ZMAT4: variants seen among roughly 807,000 people sequenced by gnomAD.
ZMAT4 encodes the protein zinc finger matrin-type 4, also known as zinc finger matrin-type protein 4.
Under a neutral mutation model 28.7 loss-of-function variants are expected in ZMAT4, and 17 were observed. The observed-to-expected ratio is 0.59, with a 90% confidence interval of 0.41 to 0.89. The LOEUF (loss-of-function observed/expected upper bound fraction) is 0.89. Among genes scored for constraint, ZMAT4 ranks in the 40% least tolerant of loss-of-function variants. The probability of loss-of-function intolerance (pLI) is 0.00; values close to 1 mark genes in which losing one functional copy is unlikely to be tolerated. For missense variants in ZMAT4, 240 were observed against 283.8 expected (o/e 0.85, Z 1.11); for synonymous variants, 117 against 109.2 (o/e 1.07, Z -0.44).
chr8:40,825,473 A>G, intron 2 of ZMAT4, 102 bp downstream of exon 2: 1 of 971,100 alleles, frequency 1.0e-6, no homozygotes. Flanking sequence ...GTGGTTCTTC[A>G]AATGTGCCCC....
intron 5 of ZMAT4, among the ~76,000 whole-genome samples, chr8:40,673,779 C>T (rs1808786069): frequency 6.6e-6 from 1 of 152,224 alleles, no homozygotes; most frequent in African/African-American, 2.4e-5. Flanking sequence ...AGAAGTAATC[C>T]TCACGCTATG....
chr8:40,561,883 CACCCTTGGTA>C (rs1803754249), intron 6 of ZMAT4, among the ~76,000 whole-genome samples: 1 of 152,086 alleles, frequency 6.6e-6, no homozygotes, highest in African/African-American at 2.4e-5. Context: ...AAAGATTGGA[CACCCTTGGTA>C]AGGTCTAATC....
chr8:40,560,118 T>C (rs1026034045), intron 6 of ZMAT4, among the ~76,000 whole-genome samples: 2 of 151,986 alleles, frequency 1.3e-5, no homozygotes, highest in Non-Finnish European at 2.9e-5. Context: ...CCTGTGCCTC[T>C]AATACACTTC....
intron 4 of ZMAT4, among the ~76,000 whole-genome samples, chr8:40,685,633 T>A (rs2150483221): frequency 6.6e-6 from 1 of 152,090 alleles, no homozygotes; most frequent in South Asian, 2.1e-4. Flanking sequence ...AGTGTATCAT[T>A]AATAGCCAGT....
chr8:40,739,567 G>C (rs1423418799), intron 3 of ZMAT4, among the ~76,000 whole-genome samples: 1 of 152,162 alleles, frequency 6.6e-6, no homozygotes, highest in Non-Finnish European at 1.5e-5. Context: ...AGGAAGAAAA[G>C]AGCTGACATA....
chr8:40,552,752 G>T (rs971907993), intron 6 of ZMAT4, among the ~76,000 whole-genome samples: 1 of 152,104 alleles, frequency 6.6e-6, no homozygotes, highest in African/African-American at 2.4e-5. Flanking sequence ...AAGGCCACAC[G>T]GGGCCTCTTT....
At position 40,810,199 on chromosome 8, in the gene ZMAT4, G is replaced by T. The variant is rs16889965; in HGVS notation, c.102+15376C>A. On this transcript the variant is annotated intron_variant, in intron 2 of 6. Transcript: ENST00000297737. ...CTTTAAATTAATTCTTAAACTTGAAGAAATTCCAATCAAGATTTCCAATGG... is the reference window on the plus strand; with the variant it reads ...CTTTAAATTAATTCTTAAACTTGAATAAATTCCAATCAAGATTTCCAATGG... 0.02 allele frequency among the ~76,000 whole-genome samples: 2,980 copies of T among 152,150 alleles called. 157 individuals carry two copies. In the East Asian group the frequency reaches 0.21, roughly 11 times the overall value.
At chr8:40,733,934 T>C (rs1471126488) in intron 3 of ZMAT4, among the ~76,000 whole-genome samples, 1 of 152,152 alleles carries the variant, frequency 6.6e-6, no homozygotes, top group East Asian at 1.9e-4. Flanking sequence ...ATTAGCTACA[T>C]CCAGAAGTGA....
At chr8:40,564,860 C>T (rs756193449) in intron 6 of ZMAT4, among the ~76,000 whole-genome samples, 5 of 152,140 alleles carry the variant, frequency 3.3e-5, no homozygotes, top group African/African-American at 4.8e-5. Context: ...TCAGAAGACA[C>T]AGGAATAATC....
intron 3 of ZMAT4, among the ~76,000 whole-genome samples, chr8:40,746,123 T>C (rs1178987436): frequency 6.6e-6 from 1 of 151,980 alleles, no homozygotes; most frequent in Non-Finnish European, 1.5e-5. Flanking sequence ...CAAATTTAAC[T>C]CTTCCACCCA....
intron 1 of ZMAT4, among the ~76,000 whole-genome samples, chr8:40,851,687 A>G (rs1010665806): frequency 2.0e-5 from 3 of 152,208 alleles, no homozygotes; most frequent in African/African-American, 7.2e-5. Flanking sequence ...GATCAGGGTA[A>G]TTACCATACA....
chr8:40,769,105 G>A (rs1813281599), intron 2 of ZMAT4, among the ~76,000 whole-genome samples: 1 of 152,114 alleles, frequency 6.6e-6, no homozygotes, highest in South Asian at 2.1e-4. Context: ...CACTTTTAAG[G>A]CCTTTAAATG....
At chr8:40,831,825 A>G (rs1232032844) in intron 1 of ZMAT4, among the ~76,000 whole-genome samples, 1 of 152,204 alleles carries the variant, frequency 6.6e-6, no homozygotes, top group East Asian at 1.9e-4. Context: ...TGATCCCAAC[A>G]GGACCTGGCC....
At chr8:40,723,100 C>T (rs963062613) in intron 3 of ZMAT4, among the ~76,000 whole-genome samples, 4 of 152,178 alleles carry the variant, frequency 2.6e-5, no homozygotes, top group Non-Finnish European at 4.4e-5. Context: ...AAGTGAGAAA[C>T]TAACCAGTGC....
At chr8:40,709,180 T>C (rs1054951451) in intron 3 of ZMAT4, among the ~76,000 whole-genome samples, 26 of 152,216 alleles carry the variant, frequency 1.7e-4, no homozygotes, top group Admixed American at 1.1e-3. Context: ...CCTAAGAGAA[T>C]ATAAATGCTA....
chr8:40,643,407 T>C (rs1432038396), intron 5 of ZMAT4, among the ~76,000 whole-genome samples: 1 of 152,194 alleles, frequency 6.6e-6, no homozygotes, highest in East Asian at 1.9e-4. Flanking sequence ...TCTTTAGAAA[T>C]ATGTCAGTGA....
chr8:40,745,219 A>T (rs768742950), intron 3 of ZMAT4, among the ~76,000 whole-genome samples: 1 of 152,192 alleles, frequency 6.6e-6, no homozygotes, highest in Non-Finnish European at 1.5e-5. Flanking sequence ...TGGTGTTATT[A>T]ATCAAATTCT....
rs1440777277 is a variant in ZMAT4, at chr8:40,887,103, G to A, written c.-5+10580C>T. On this transcript the variant is annotated intron_variant, in intron 1 of 6. Coordinates refer to ENST00000297737, the MANE Select transcript of ZMAT4 (RefSeq NM_024645.3). The stretch of plus-strand genomic sequence containing the variant: ...GGAGAATGGCGTGAACCCAGGAGGC[G>A]GAGCTTGCAGTGAGTGGAGATCATG... Among the ~76,000 whole-genome samples, 224 of 148,978 alleles carry A rather than the reference G, an allele frequency of 1.5e-3. 1 individual carries two copies. Among genetic ancestry groups the A allele is most frequent in the African/African-American group, 3.6e-3 (144 of 40,364 alleles).
At chr8:40,806,513 C>A (rs1050181671) in intron 2 of ZMAT4, among the ~76,000 whole-genome samples, 2 of 152,154 alleles carry the variant, frequency 1.3e-5, no homozygotes, top group Admixed American at 6.5e-5. Context: ...GTATACGAAA[C>A]AACCACATTT....
Sources: allele counts gnomAD v4.1 joint callset (sites outside exome capture counted in the v4.1 genomes callset), GRCh38; gene constraint gnomAD v4.1.1; transcripts MANE v1.5; gene names NCBI Gene and HGNC (gene_info 2026-07-23, HGNC 2026-07-21).